The following GUF1 variants were observed in gnomAD, a reference collection of about 807,000 sequenced individuals.
The protein encoded by GUF1 is GTP binding elongation factor GUF1.
In GUF1, 78 loss-of-function variants were observed where a neutral mutation model predicts 82.4. The ratio of observed to expected loss-of-function variants is 0.95; its 90% CI spans 0.79 to 1.14. GUF1 has a LOEUF of 1.14. Ranked by LOEUF, GUF1 falls within the 50% of genes most tolerant of loss-of-function variation. The pLI is 0.00. For missense variants in GUF1, 814 were observed against 798.2 expected, an observed-to-expected ratio of 1.02 and a Z score of -0.24; for synonymous variants, 279 against 282.3, an observed-to-expected ratio of 0.99 and a Z score of 0.12.
intron 1 of GUF1, among the ~76,000 whole-genome samples, chr4:44,679,667 T>C (rs1291806024): frequency 6.6e-6 from 1 of 152,196 alleles, no homozygotes; most frequent in Non-Finnish European, 1.5e-5. Context: ...TTTTATTATC[T>C]GTCTTTATGG....
In GUF1 at chr4:44,683,319, G is replaced by T; in HGVS notation, c.669+1G>T. 6.7e-7 allele frequency: 1 copy of T among 1,496,418 alleles called. No individual in the cohort carries two copies. Among genetic ancestry groups the T allele is most frequent in the Non-Finnish European group, 9.1e-7 (1 of 1,101,320 alleles). The allele number at this position is 1,496,418 out of a possible 1,614,324, so 92.7% of individuals were successfully genotyped here. On this transcript the variant is annotated splice_donor_variant, in intron 6 of 16. Transcript: ENST00000281543. LOFTEE classifies it high-confidence loss of function. ...TATTCCAAGTGATGAATGTATTAAG[G>T]TAAAATACGTTCCTAAAAAGATTAT...
chr4:44,686,779 A>G (rs1043050374), intron 8 of GUF1, 66 bp downstream of exon 8: 1 of 1,064,546 alleles, frequency 9.4e-7, no homozygotes, highest in African/African-American at 1.6e-5. Flanking sequence ...CATTTTTCTC[A>G]ACTTGGTATG....
chr4:44,694,113 G>A (rs1715622271), intron 13 of GUF1: 1 of 301,354 alleles, frequency 3.3e-6, no homozygotes, highest in Admixed American at 5.6e-5. Flanking sequence ...CAGCTGCTGG[G>A]AACATTGGGA....
rs773394964 is a variant in GUF1, at chr4:44,695,756, G to A, written c.1835+22G>A. On this transcript the variant is annotated intron_variant, in intron 15 of 16. Transcript: ENST00000281543. Reference sequence around the variant, plus strand: ...AAACGTGAGTTGAAATTCATTTTTGGTCTTGAGCCAGTTTCAGAAATGATA... The same window carrying A: ...AAACGTGAGTTGAAATTCATTTTTGATCTTGAGCCAGTTTCAGAAATGATA... The A allele has an allele frequency of 2.5e-6, 4 of 1,602,674 alleles. No homozygotes were observed. In the South Asian group the frequency reaches 4.5e-5, roughly 18 times the overall value.
chr4:44,680,405 AT>A, intron 1 of GUF1, 35 bp from the exon 2 acceptor site: 1 of 1,008,134 alleles, frequency 9.9e-7, no homozygotes, highest in Non-Finnish European at 1.5e-6. Flanking sequence ...AGTATGCCAA[AT>A]TTATACTCCT....
Position 44,688,142 on chromosome 4 carries a change from T to G in GUF1, c.1074T>G (p.Phe358Leu). The change falls in exon 9 of 17, where the codon TTT (phenylalanine) becomes TTG (leucine). Residue 358 changes from phenylalanine (F) to leucine (L), a missense_variant. Coordinates refer to ENST00000281543, the MANE Select transcript of GUF1 (RefSeq NM_021927.3). ...PGFKSAKPMV[F>L]AGMYPLDQSE... ...TTAAATCAGCGAAACCAATGGTATT[T>G]GCAGGTGAGGAGTTCACAAATTCAA... 6.2e-7 allele frequency: 1 copy of G among 1,610,576 alleles called. No individual in the cohort carries two copies. Among genetic ancestry groups the G allele is most frequent in the South Asian group, 1.1e-5 (1 of 90,662 alleles).
intron 6 of GUF1, among the ~76,000 whole-genome samples, chr4:44,684,880 C>T (rs910443666): frequency 2.6e-5 from 4 of 152,120 alleles, no homozygotes; most frequent in Admixed American, 6.6e-5. Context: ...ATACAAGAAA[C>T]GAACCAGACC....
Position 44,678,768 on chromosome 4 carries a change from A to G in GUF1, c.146A>G (p.Tyr49Cys), listed in dbSNP as rs775578943. The G allele has an allele frequency of 5.1e-6, 8 of 1,554,020 alleles. No homozygotes were observed. Among genetic ancestry groups the G allele is most frequent in the Non-Finnish European group, 6.9e-6 (8 of 1,157,020 alleles). ...GAGTCCTGGGCTACCGACAGGCTCT[A>G]CAGCTCCGCAGAATTCAAGGTGACT... ...APESWATDRL[Y>C]SSAEFKEKLD... is the part of the protein sequence containing the mutation. The change falls in exon 1 of 17, where the codon TAC (tyrosine) becomes TGC (cysteine). Residue 49 changes from tyrosine (Y) to cysteine (C), a missense_variant. Physicochemically the swap from Tyr to Cys is radical, Grantham distance 194 (BLOSUM62 -2). Coordinates refer to ENST00000281543, the MANE Select transcript of GUF1 (RefSeq NM_021927.3).
rs1309276723 is a variant in GUF1, at chr4:44,683,260, A to T, written c.611A>T (p.Glu204Val). The change falls in exon 6 of 17, where the codon GAA becomes GTA. Residue 204 changes from glutamate (E) to valine (V), a missense_variant. Coordinates refer to ENST00000281543, the MANE Select transcript of GUF1 (RefSeq NM_021927.3). Reference sequence around the variant, plus strand: ...ATAGATCTGAAGAATGCTGATCCTGAAAGGGTTGAAAACCAAATTGAGAAA... The same window carrying T: ...ATAGATCTGAAGAATGCTGATCCTGTAAGGGTTGAAAACCAAATTGAGAAA... ...NKIDLKNADP[E>V]RVENQIEKVF... The T allele has an allele frequency of 5.0e-6, 8 of 1,586,364 alleles. No homozygotes were observed. The highest frequency in any genetic ancestry group is 6.9e-6 in the Non-Finnish European group (8 of 1,167,018).
chr4:44,680,204 T>A (rs1223787037), intron 1 of GUF1, among the ~76,000 whole-genome samples: 1 of 152,136 alleles, frequency 6.6e-6, no homozygotes, highest in Non-Finnish European at 1.5e-5. Flanking sequence ...CCCTAAAAAT[T>A]GTGTAGAAAT....
intron 16 of GUF1, among the ~76,000 whole-genome samples, chr4:44,698,199 C>A (rs552042651): frequency 6.6e-6 from 1 of 152,012 alleles, no homozygotes; most frequent in South Asian, 2.1e-4. Context: ...AATTCTTTCT[C>A]CAAAGGCACA....
At position 44,682,352 on chromosome 4, in the gene GUF1, G is replaced by A. The variant is rs769408129; in HGVS notation, c.526G>A (p.Val176Ile). 4 of 1,539,030 alleles carry A rather than the reference G, an allele frequency of 2.6e-6. No homozygotes were observed. In the Admixed American group the frequency reaches 8.3e-5, roughly 32 times the overall value. Reference sequence around the variant, plus strand: ...TTTTCAGGGAATTCAAGCCCAAACTGTAGCAAACTTCTTTCTTGCCTTCGA... The same window carrying A: ...TTTTCAGGGAATTCAAGCCCAAACTATAGCAAACTTCTTTCTTGCCTTCGA... ...DANEGIQAQT[V>I]ANFFLAFEAQ... Residue 176 changes from valine (V) to isoleucine (I), a missense_variant, in exon 5 of 17, where the codon GTA (valine) becomes ATA (isoleucine). Physicochemically the swap from Val to Ile is conservative, Grantham distance 29. Transcript: ENST00000281543.
intron 9 of GUF1, among the ~76,000 whole-genome samples, chr4:44,688,871 A>G (rs1715235098): frequency 6.6e-6 from 1 of 151,994 alleles, no homozygotes; most frequent in Non-Finnish European, 1.5e-5. Flanking sequence ...AATCTGCCTT[A>G]GAGAATTGAG....
Position 44,698,895 on chromosome 4 carries a change from G to GC in GUF1, c.*214_*215insC. 4.4e-6 allele frequency: 2 copies of GC among 457,252 alleles called. No individual in the cohort carries two copies. Among genetic ancestry groups the GC allele is most frequent in the Non-Finnish European group, 7.8e-6 (2 of 258,044 alleles). 28.3% of individuals were successfully genotyped at this position (457,252 alleles called of 1,614,324 possible). A position where few individuals can be genotyped will look rare whatever the true frequency, so the allele number is the denominator to read the frequency against. The stretch of plus-strand genomic sequence containing the variant: ...TCTGTTCCAACCACTCACTAGTAAG[G>GC]TGACCGTGGCCAGATTAACCTTTGT... On this transcript the variant is annotated 3_prime_UTR_variant, in exon 17 of 17. Transcript: ENST00000281543.
intron 13 of GUF1, among the ~76,000 whole-genome samples, chr4:44,692,300 G>A (rs908065390): frequency 6.6e-6 from 1 of 151,944 alleles, no homozygotes; most frequent in Non-Finnish European, 1.5e-5. Context: ...GAAAACCTTT[G>A]TGTATCTCAT....
Position 44,678,537 on chromosome 4 carries a change from T to G in GUF1, c.-86T>G, listed in dbSNP as rs1027842213. On this transcript the variant is annotated 5_prime_UTR_variant, in exon 1 of 17. Coordinates refer to ENST00000281543, the MANE Select transcript of GUF1 (RefSeq NM_021927.3). Reference sequence around the variant, plus strand: ...ATCTGTTTGAGTCCTGTCCACCGGATCCTACGGGGGGTACCTTCGAAAAAA... The same window carrying G: ...ATCTGTTTGAGTCCTGTCCACCGGAGCCTACGGGGGGTACCTTCGAAAAAA... 1 of 1,103,950 alleles carries G rather than the reference T, an allele frequency of 9.1e-7. No individual in the cohort carries two copies. Among genetic ancestry groups the G allele is most frequent in the Non-Finnish European group, 1.2e-6 (1 of 823,382 alleles). 68.4% of individuals were successfully genotyped at this position (1,103,950 alleles called of 1,614,324 possible).
chr4:44,684,911 C>T (rs1714963843), intron 6 of GUF1, among the ~76,000 whole-genome samples: 1 of 151,976 alleles, frequency 6.6e-6, no homozygotes, highest in Non-Finnish European at 1.5e-5. Context: ...TTTCTTTTTT[C>T]CAGTAATGTT....
intron 12 of GUF1, among the ~76,000 whole-genome samples, chr4:44,691,129 T>C (rs1265936417): frequency 6.6e-6 from 1 of 151,736 alleles, no homozygotes; most frequent in Non-Finnish European, 1.5e-5. Flanking sequence ...GCTAAATGTA[T>C]AATTTCGCCT....
chr4:44,689,195 A>T, intron 9 of GUF1, 91 bp from the exon 10 acceptor site: 1 of 1,152,008 alleles, frequency 8.7e-7, no homozygotes, highest in Non-Finnish European at 1.1e-6. Context: ...AAGGTAAATG[A>T]CTAATTTGGA....
Sources: allele counts gnomAD v4.1 joint callset (sites outside exome capture counted in the v4.1 genomes callset), GRCh38; gene constraint gnomAD v4.1.1; transcripts MANE v1.5; gene names NCBI Gene and HGNC (gene_info 2026-07-23, HGNC 2026-07-21).